The following ROBO2 variants were observed in gnomAD, a reference collection of about 807,000 sequenced individuals.
ROBO2 encodes the protein roundabout guidance receptor 2.
Under a neutral mutation model 160.8 loss-of-function variants are expected in ROBO2, and 53 were observed. That is an observed-to-expected ratio of 0.33 (90% CI 0.26 to 0.41). The LOEUF (loss-of-function observed/expected upper bound fraction) is 0.41. Ranked by LOEUF, ROBO2 falls within the 10% of genes least tolerant of loss-of-function variation. ROBO2 has a pLI of 1.00. For missense variants in ROBO2, 1,577 were observed against 1,722.4 expected, an observed-to-expected ratio of 0.92 and a Z score of 1.49; for synonymous variants, 664 against 611.7, an observed-to-expected ratio of 1.09 and a Z score of -1.26.
rs372094946 is a variant in ROBO2 at position 76,671,357 on chromosome 3, G to A, written c.110-426657G>A. ...ACGCTGGCCTTCTCCCCTGTAGAAC[G>A]TAAAACCTAAACTGAAACTTACCTC... On this transcript the variant is annotated intron_variant, in intron 2 of 26. Coordinates refer to the ROBO2 transcript ENST00000487694. Among the ~76,000 whole-genome samples, 19 of 152,130 alleles carry A rather than the reference G, an allele frequency of 1.2e-4. No homozygotes were observed. In the South Asian group the frequency reaches 3.5e-3, roughly 28 times the overall value.
intron 2 of ROBO2, among the ~76,000 whole-genome samples, chr3:77,153,290 GA>G (rs1429243786): frequency 3.3e-5 from 5 of 151,962 alleles, no homozygotes; most frequent in African/African-American, 1.2e-4. Flanking sequence ...TGTCTATTCA[GA>G]TTTTTTTATT....
At chr3:77,204,879 G>GA (rs2083264196) in intron 2 of ROBO2, among the ~76,000 whole-genome samples, 1 of 152,224 alleles carries the variant, frequency 6.6e-6, no homozygotes, top group Admixed American at 6.5e-5. Flanking sequence ...CAGTTCAACT[G>GA]AAACGCGACA....
At chr3:77,026,792 A>G (rs1298037884) in intron 2 of ROBO2, among the ~76,000 whole-genome samples, 1 of 152,246 alleles carries the variant, frequency 6.6e-6, no homozygotes. Flanking sequence ...ACAGCACTCA[A>G]TAAAAAATTG....
chr3:77,038,497 CA>C (rs1000687536), upstream of ROBO2, among the ~76,000 whole-genome samples: 4 of 152,110 alleles, frequency 2.6e-5, no homozygotes, highest in Non-Finnish European at 5.9e-5. Flanking sequence ...GTAGCAGCAC[CA>C]AAACGTATCC....
intron 2 of ROBO2, among the ~76,000 whole-genome samples, chr3:77,398,398 G>GT (rs2075476432): frequency 2.0e-5 from 2 of 99,826 alleles, no homozygotes; most frequent in East Asian, 3.3e-4. Flanking sequence ...TTTTGTTCTT[G>GT]AAACAATCAG....
chr3:76,796,265 A>G (rs899566308), intron 2 of ROBO2, among the ~76,000 whole-genome samples: 3 of 152,050 alleles, frequency 2.0e-5, no homozygotes, highest in Non-Finnish European at 4.4e-5. Flanking sequence ...GTAGAAGGCT[A>G]CCTAATCTAA....
At chr3:76,212,911 T>TAGAGA (rs372741708) in intron 2 of ROBO2, among the ~76,000 whole-genome samples, 147,203 of 151,838 alleles carry the variant, frequency 0.97, 71,485 homozygotes, top group Non-Finnish European at 1. Context: ...ATGGTGTTCT[T>TAGAGA]AGTTTCACTT....
chr3:77,291,010 G>C (rs1580727045), intron 2 of ROBO2, among the ~76,000 whole-genome samples: 2 of 149,756 alleles, frequency 1.3e-5, no homozygotes, highest in Admixed American at 6.7e-5. Flanking sequence ...GCTGAGGCTA[G>C]ATCACCCCAG....
intron 17 of ROBO2, among the ~76,000 whole-genome samples, chr3:77,592,499 C>CT (rs1207833541): frequency 6.6e-6 from 1 of 152,014 alleles, no homozygotes; most frequent in Non-Finnish European, 1.5e-5. Context: ...TGTTCATACT[C>CT]TAACAAGTTT....
intron 2 of ROBO2, among the ~76,000 whole-genome samples, chr3:76,502,139 C>G (rs1190013543): frequency 6.6e-6 from 1 of 152,118 alleles, no homozygotes; most frequent in East Asian, 1.9e-4. Flanking sequence ...TATAATACAT[C>G]AGGCTTTGTT....
chr3:76,272,944 A>AAAATATATAATATATGTTTATATAT (rs1707634213), intron 2 of ROBO2, among the ~76,000 whole-genome samples: 3 of 27,458 alleles, frequency 1.1e-4, no homozygotes, highest in Non-Finnish European at 3.9e-4. Flanking sequence ...ATAAATATAT[A>AAAATATATAATATATGTTTATATAT]AAATATATAA....
intron 2 of ROBO2, among the ~76,000 whole-genome samples, chr3:76,945,096 G>T (rs998020916): frequency 3.9e-5 from 6 of 151,906 alleles, no homozygotes; most frequent in Non-Finnish European, 7.4e-5. Flanking sequence ...CACTGTGTTA[G>T]CCAGGATGGT....
At chr3:77,610,603 G>C (rs1232243264) in intron 21 of ROBO2, among the ~76,000 whole-genome samples, 2 of 151,798 alleles carry the variant, frequency 1.3e-5, no homozygotes, top group Non-Finnish European at 2.9e-5. Flanking sequence ...CCAAAAATAA[G>C]GACAAAGATA....
At chr3:76,702,121 C>G (rs1208801628) in intron 2 of ROBO2, among the ~76,000 whole-genome samples, 1 of 151,816 alleles carries the variant, frequency 6.6e-6, no homozygotes, top group Admixed American at 6.6e-5. Flanking sequence ...TAAATGGAAC[C>G]TATAATTAGC....
chr3:76,007,744 C>A (rs1056829954), intron 2 of ROBO2, among the ~76,000 whole-genome samples: 3 of 152,034 alleles, frequency 2.0e-5, no homozygotes, highest in Admixed American at 6.6e-5. Context: ...TTTTAAAAGA[C>A]ATGGAGAAAT....
intron 2 of ROBO2, among the ~76,000 whole-genome samples, chr3:76,500,180 A>AC (rs2080383787): frequency 6.6e-6 from 1 of 152,136 alleles, no homozygotes; most frequent in Admixed American, 6.5e-5. Context: ...GTGCAATGAC[A>AC]CAATCACAGC....
intron 8 of ROBO2, among the ~76,000 whole-genome samples, chr3:77,554,849 T>A (rs1260646242): frequency 1.3e-5 from 2 of 152,030 alleles, no homozygotes; most frequent in Non-Finnish European, 2.9e-5. Context: ...TCACATAAAC[T>A]TAATTGATAA....
intron 2 of ROBO2, among the ~76,000 whole-genome samples, chr3:76,917,954 AC>A (rs1170506754): frequency 1.3e-5 from 2 of 152,188 alleles, no homozygotes; most frequent in African/African-American, 4.8e-5. Context: ...CATCCCTATT[AC>A]CTATTTATTT....
At chr3:76,285,520 C>A (rs1205756770) in intron 2 of ROBO2, among the ~76,000 whole-genome samples, 1 of 151,770 alleles carries the variant, frequency 6.6e-6, no homozygotes, top group African/African-American at 2.4e-5. Flanking sequence ...TGTTAAAGAC[C>A]TCAAGAGCTT....
Sources: gnomAD v4.1 joint callset for allele counts (sites outside exome capture counted in the v4.1 genomes callset) on GRCh38, gnomAD v4.1.1 for gene constraint, MANE v1.5 for transcripts, NCBI Gene and HGNC (gene_info 2026-07-23, HGNC 2026-07-21) for gene names.